BLNK: variants seen among roughly 807,000 people sequenced by gnomAD.
BLNK encodes the protein B-cell linker protein.
A neutral mutation model predicts 73.5 loss-of-function variants in BLNK; 29 were observed. The ratio of observed to expected loss-of-function variants is 0.39; its 90% confidence interval spans 0.29 to 0.54. The LOEUF (loss-of-function observed/expected upper bound fraction) is 0.54, where lower values mean the gene tolerates loss of function less well. Ranked by LOEUF, BLNK falls within the 20% of genes least tolerant of loss-of-function variation. The pLI is 0.61. For missense variants in BLNK, 460 were observed against 562.8 expected, an observed-to-expected ratio of 0.82 and a Z score of 1.85; for synonymous variants, 176 against 200.8, an observed-to-expected ratio of 0.88 and a Z score of 1.04.
intron 6 of BLNK, among the ~76,000 whole-genome samples, chr10:96,217,232 G>A (rs1411570270): frequency 7.9e-5 from 12 of 152,090 alleles, no homozygotes; most frequent in African/African-American, 2.9e-4. Flanking sequence ...GGACATTTGA[G>A]TTTTTTTCCA....
intron 16 of BLNK, among the ~76,000 whole-genome samples, chr10:96,194,938 T>C (rs1234376110): frequency 2.0e-5 from 3 of 151,270 alleles, no homozygotes; most frequent in Non-Finnish European, 4.4e-5. Context: ...GCCCGGCTAA[T>C]TTTTGTATTT....
chr10:96,215,428 T>C (rs116962796), intron 7 of BLNK, 39 bp from the exon 8 acceptor site: 55,227 of 1,474,252 alleles, frequency 0.037, 1,180 homozygotes, highest in Non-Finnish European at 0.045. Flanking sequence ...TATATATATA[T>C]ATACATAAAA....
In BLNK at chr10:96,189,849, ACT is replaced by A; in HGVS notation, c.*2122_*2123del. On this transcript the variant is annotated 3_prime_UTR_variant, in exon 17 of 17. Transcript: ENST00000224337. ...ACATCCTCCTCCTCTTCATCTTCTGACTCTGCATCTTCCTCCACAGCTACTAA... is the reference window on the plus strand; with the variant it reads ...ACATCCTCCTCCTCTTCATCTTCTGACTGCATCTTCCTCCACAGCTACTAA... 4 of 1,213,506 alleles carry A rather than the reference ACT, an allele frequency of 3.3e-6. No individual in the cohort carries two copies. The highest frequency in any genetic ancestry group is 2.3e-5 in the East Asian group (1 of 43,306). The allele number at this position is 1,213,506 out of a possible 1,614,324, so 75.2% of individuals were successfully genotyped here.
At chr10:96,250,440 GAGAGAA>G (rs1371832228) in intron 1 of BLNK, among the ~76,000 whole-genome samples, 1 of 108,298 alleles carries the variant, frequency 9.2e-6, no homozygotes, top group East Asian at 2.3e-4. Flanking sequence ...GAGAGAGGAA[GAGAGAA>G]AGAGAGAGAG....
chr10:96,199,057 CAG>C (rs2083556010), intron 15 of BLNK, among the ~76,000 whole-genome samples: 1 of 152,140 alleles, frequency 6.6e-6, no homozygotes, highest in African/African-American at 2.4e-5. Context: ...GATTTTTCCT[CAG>C]AATCTACTAC....
intron 1 of BLNK, among the ~76,000 whole-genome samples, chr10:96,250,825 A>G (rs1047149053): frequency 3.3e-5 from 5 of 152,260 alleles, no homozygotes; most frequent in Admixed American, 1.3e-4. Flanking sequence ...TATAACAATA[A>G]CAATTATACT....
chr10:96,201,785 A>G (rs782785041), intron 13 of BLNK, among the ~76,000 whole-genome samples: 9 of 151,942 alleles, frequency 5.9e-5, no homozygotes, highest in Middle Eastern at 3.4e-3. Context: ...TTTCTCTGCC[A>G]TGGATCAAAG....
intron 5 of BLNK, among the ~76,000 whole-genome samples, chr10:96,227,088 C>G (rs1432802698): frequency 2.6e-5 from 4 of 152,196 alleles, no homozygotes; most frequent in Non-Finnish European, 5.9e-5. Context: ...CTCAGGGTTG[C>G]TTTCCCTTGG....
At chr10:96,210,281 A>T in intron 8 of BLNK, 1 of 348,150 alleles carries the variant, frequency 2.9e-6, no homozygotes, top group East Asian at 7.1e-5. Context: ...TCACACCTAC[A>T]TCTGTGCACA....
chr10:96,197,750 T>C (rs2083507823), intron 15 of BLNK, among the ~76,000 whole-genome samples: 1 of 151,718 alleles, frequency 6.6e-6, no homozygotes, highest in South Asian at 2.1e-4. Context: ...AAAGAACTTT[T>C]ATAAGAAAAA....
intron 9 of BLNK, among the ~76,000 whole-genome samples, chr10:96,208,601 A>G (rs1296613743): frequency 6.6e-6 from 1 of 152,192 alleles, no homozygotes; most frequent in Non-Finnish European, 1.5e-5. Flanking sequence ...TCAAGATTCC[A>G]ATAGAGACTG....
At chr10:96,266,919 T>C (rs568498216) in intron 1 of BLNK, among the ~76,000 whole-genome samples, 1 of 152,312 alleles carries the variant, frequency 6.6e-6, no homozygotes, top group African/African-American at 2.4e-5. Context: ...GGAACTTCAG[T>C]CCATGTTGTC....
At chr10:96,203,935 G>A (rs1591302944) in intron 13 of BLNK, 122 bp downstream of exon 13, 2 of 735,958 alleles carry the variant, frequency 2.7e-6, no homozygotes, top group Non-Finnish European at 4.8e-6. Context: ...GAAACAAGTG[G>A]GAGAAGATGC....
intron 1 of BLNK, among the ~76,000 whole-genome samples, chr10:96,251,113 T>G (rs1554909026): frequency 1.3e-5 from 2 of 152,230 alleles, no homozygotes; most frequent in South Asian, 4.1e-4. Flanking sequence ...TAAATTACAC[T>G]TTTTATATTT....
chr10:96,213,623 G>C (rs1187886838), intron 8 of BLNK, among the ~76,000 whole-genome samples: 1 of 118,566 alleles, frequency 8.4e-6, no homozygotes, highest in Non-Finnish European at 1.8e-5. Context: ...GTGCTTGTAA[G>C]GCAGTGTGTT....
chr10:96,263,725 G>A (rs1843864682), intron 1 of BLNK, among the ~76,000 whole-genome samples: 1 of 152,160 alleles, frequency 6.6e-6, no homozygotes, highest in Non-Finnish European at 1.5e-5. Flanking sequence ...GGAGGAAGGA[G>A]GTGAAGTCAG....
At chr10:96,241,920 A>C (rs1842892509) in intron 3 of BLNK, among the ~76,000 whole-genome samples, 1 of 151,962 alleles carries the variant, frequency 6.6e-6, no homozygotes, top group South Asian at 2.1e-4. Flanking sequence ...GGGTTTTGCC[A>C]TGTTGCCCAG....
intron 9 of BLNK, among the ~76,000 whole-genome samples, chr10:96,208,725 G>A (rs587687760): frequency 9.1e-4 from 138 of 152,264 alleles, no homozygotes; most frequent in Admixed American, 2.5e-3. Flanking sequence ...CTGAAGTGTG[G>A]GGGAAGAACA....
chr10:96,260,950 C>T (rs1443500149), intron 1 of BLNK, among the ~76,000 whole-genome samples: 1 of 151,662 alleles, frequency 6.6e-6, no homozygotes, highest in Admixed American at 6.6e-5. Context: ...CTCAAGTGAT[C>T]CTCCCACCTC....
Sources: gnomAD v4.1 joint callset for allele counts (sites outside exome capture counted in the v4.1 genomes callset) on GRCh38, gnomAD v4.1.1 for gene constraint, MANE v1.5 for transcripts, NCBI Gene and HGNC (gene_info 2026-07-23, HGNC 2026-07-21) for gene names.